The following KCNH1 variants were observed in gnomAD, a reference collection of about 807,000 sequenced individuals.
KCNH1 encodes voltage-gated delayed rectifier potassium channel KCNH1.
A neutral mutation model predicts 69.2 loss-of-function variants in KCNH1; 27 were observed. The ratio of observed to expected loss-of-function variants is 0.39; its 90% confidence interval spans 0.29 to 0.54. The LOEUF (loss-of-function observed/expected upper bound fraction) is 0.54, where lower values mean the gene tolerates loss of function less well. Ranked by LOEUF, KCNH1 falls within the 20% of genes least tolerant of loss-of-function variation. The pLI, the probability that KCNH1 is intolerant of heterozygous loss-of-function variation, is 0.68. For missense variants in KCNH1, 798 were observed against 1,261.6 expected, an observed-to-expected ratio of 0.63 and a Z score of 5.57; for synonymous variants, 456 against 487.7, an observed-to-expected ratio of 0.93 and a Z score of 0.86.
intron 5 of KCNH1, among the ~76,000 whole-genome samples, chr1:211,036,644 A>G (rs1023907569): frequency 6.6e-6 from 1 of 152,224 alleles, no homozygotes; most frequent in South Asian, 2.1e-4. Context: ...TAGACGCTCA[A>G]TGAGATTTCA....
intron 7 of KCNH1, among the ~76,000 whole-genome samples, chr1:210,865,228 T>C (rs1394051587): frequency 6.6e-6 from 1 of 152,272 alleles, no homozygotes; most frequent in Non-Finnish European, 1.5e-5. Context: ...AATGCAGAGA[T>C]ATTATGTACA....
At chr1:211,011,116 C>T (rs945062429) in intron 6 of KCNH1, among the ~76,000 whole-genome samples, 3 of 152,112 alleles carry the variant, frequency 2.0e-5, no homozygotes, top group Non-Finnish European at 2.9e-5. Flanking sequence ...TCTCCTAATG[C>T]TATCCCTCCC....
Position 210,700,848 on chromosome 1 carries a change from G to A in KCNH1, c.2113-16710C>T, listed in dbSNP as rs112955439. On this transcript the variant is annotated intron_variant, in intron 10 of 10. Transcript: ENST00000271751. ...GGCTTGTCTTTTAATCATTTTTTATGGTCTTTTGTTGTCTCAAAGTTTTTC... is the reference window on the plus strand; with the variant it reads ...GGCTTGTCTTTTAATCATTTTTTATAGTCTTTTGTTGTCTCAAAGTTTTTC... Among the ~76,000 whole-genome samples, 1,210 of 151,882 alleles carry A rather than the reference G, an allele frequency of 8.0e-3. 5 individuals carry two copies. The highest frequency in any genetic ancestry group is 0.024 in the Middle Eastern group (7 of 294).
chr1:210,935,469 A>T (rs1687760865), intron 6 of KCNH1, among the ~76,000 whole-genome samples: 1 of 152,190 alleles, frequency 6.6e-6, no homozygotes, highest in Admixed American at 6.5e-5. Flanking sequence ...GACTACAATT[A>T]ATAAGTTGTT....
At chr1:210,942,946 T>A (rs1183695582) in intron 6 of KCNH1, among the ~76,000 whole-genome samples, 1 of 152,222 alleles carries the variant, frequency 6.6e-6, no homozygotes, top group African/African-American at 2.4e-5. Context: ...AAAAGTTGTA[T>A]ATAGACTTTG....
At chr1:211,046,170 C>A (rs1690092600) in intron 5 of KCNH1, among the ~76,000 whole-genome samples, 1 of 152,170 alleles carries the variant, frequency 6.6e-6, no homozygotes, top group South Asian at 2.1e-4. Context: ...GTGAATAATA[C>A]TGCAATGAGC....
chr1:210,925,909 C>T (rs1322673233), intron 6 of KCNH1, among the ~76,000 whole-genome samples: 2 of 152,120 alleles, frequency 1.3e-5, no homozygotes, highest in Non-Finnish European at 2.9e-5. Flanking sequence ...CCTAAAGGAC[C>T]ACAGCTGATG....
intron 5 of KCNH1, among the ~76,000 whole-genome samples, chr1:211,031,283 G>C (rs932493836): frequency 2.1e-4 from 32 of 152,264 alleles, no homozygotes; most frequent in Admixed American, 1.1e-3. Context: ...TCCAGAACCA[G>C]ATGGATTCAC....
intron 5 of KCNH1, among the ~76,000 whole-genome samples, chr1:211,057,173 A>T (rs1166174969): frequency 1.3e-5 from 2 of 152,254 alleles, no homozygotes; most frequent in Non-Finnish European, 2.9e-5. Context: ...TAAACTTAAT[A>T]GATTAAATAA....
chr1:211,000,687 A>T (rs1028560623), intron 6 of KCNH1, among the ~76,000 whole-genome samples: 8 of 152,232 alleles, frequency 5.3e-5, no homozygotes, highest in Non-Finnish European at 1.2e-4. Context: ...GGAACAAAAA[A>T]AGAGCCTACA....
rs1466623695 is a variant in KCNH1 at position 210,848,314 on chromosome 1, A to G, written c.1463-44148T>C. 4.6e-5 allele frequency among the ~76,000 whole-genome samples: 7 copies of G among 152,192 alleles called. No homozygotes were observed. In the East Asian group the frequency reaches 9.6e-4, roughly 21 times the overall value. Reference sequence around the variant, plus strand: ...GTACGTGAACCATTGAAATCTGCCAATGCTCACATTTCTCTTACTGACTGG... The same window carrying G: ...GTACGTGAACCATTGAAATCTGCCAGTGCTCACATTTCTCTTACTGACTGG... On this transcript the variant is annotated intron_variant, in intron 7 of 10. Coordinates refer to ENST00000271751, the MANE Select transcript of KCNH1 (RefSeq NM_172362.3).
intron 9 of KCNH1, among the ~76,000 whole-genome samples, chr1:210,788,918 G>T (rs1166251568): frequency 6.7e-6 from 1 of 148,396 alleles, no homozygotes; most frequent in Non-Finnish European, 1.5e-5. Flanking sequence ...GGATGGTCTC[G>T]ATCTCCTGAC....
chr1:210,927,897 A>C (rs181021003), intron 6 of KCNH1, among the ~76,000 whole-genome samples: 249 of 152,282 alleles, frequency 1.6e-3, no homozygotes, highest in African/African-American at 5.7e-3. Flanking sequence ...AACAAAAATG[A>C]GCAGGAGTGG....
At chr1:210,996,715 C>G (rs1482517727) in intron 6 of KCNH1, among the ~76,000 whole-genome samples, 1 of 152,220 alleles carries the variant, frequency 6.6e-6, no homozygotes, top group African/African-American at 2.4e-5. Flanking sequence ...CCTGAGCAGC[C>G]TAACTGGGAG....
At chr1:210,782,534 T>C (rs1354095667) in intron 9 of KCNH1, among the ~76,000 whole-genome samples, 2 of 152,140 alleles carry the variant, frequency 1.3e-5, no homozygotes, top group Admixed American at 1.3e-4. Context: ...GAGACCAGCC[T>C]GGCCAATGTG....
At chr1:211,110,918 TAAG>T (rs1308108545) in intron 1 of KCNH1, among the ~76,000 whole-genome samples, 1 of 152,040 alleles carries the variant, frequency 6.6e-6, no homozygotes, top group Non-Finnish European at 1.5e-5. Flanking sequence ...GCAGAAACTA[TAAG>T]AAGAAAGCTA....
chr1:210,822,501 C>T (rs1482823033), intron 7 of KCNH1, among the ~76,000 whole-genome samples: 3 of 152,100 alleles, frequency 2.0e-5, no homozygotes, highest in Admixed American at 1.3e-4. Flanking sequence ...ACTCTTATTG[C>T]CTGGGTTAAA....
chr1:211,009,696 C>A (rs1030934242), intron 6 of KCNH1, among the ~76,000 whole-genome samples: 2 of 151,896 alleles, frequency 1.3e-5, no homozygotes, highest in African/African-American at 4.8e-5. Flanking sequence ...GCAACCTCCA[C>A]CTCCCGGGTT....
At chr1:211,041,247 T>C (rs576950921) in intron 5 of KCNH1, among the ~76,000 whole-genome samples, 1 of 152,194 alleles carries the variant, frequency 6.6e-6, no homozygotes, top group Non-Finnish European at 1.5e-5. Flanking sequence ...CAGTGTACTC[T>C]TCCATCCTGA....
Sources: allele counts gnomAD v4.1 joint callset (sites outside exome capture counted in the v4.1 genomes callset), GRCh38; gene constraint gnomAD v4.1.1; transcripts MANE v1.5; gene names NCBI Gene and HGNC (gene_info 2026-07-23, HGNC 2026-07-21).